Variants in ZMIZ1 observed in about 807,000 individuals in gnomAD.
ZMIZ1 encodes the protein zinc finger MIZ domain-containing protein 1.
In ZMIZ1, 17 loss-of-function variants were observed where a neutral mutation model predicts 113.9. The ratio of observed to expected loss-of-function variants is 0.15; its 90% CI spans 0.10 to 0.22. ZMIZ1 has a LOEUF of 0.22. Among genes scored for constraint, ZMIZ1 ranks in the 10% least tolerant of loss-of-function variants. The pLI, the probability that ZMIZ1 is intolerant of heterozygous loss-of-function variation, is 1.00. For synonymous variants in ZMIZ1, 607 were observed against 603.1 expected (o/e 1.01, Z -0.09); for missense variants, 1,059 against 1,477.8 (o/e 0.72, Z 4.65).
chr10:79,287,404 G>T (rs544335472), intron 8 of ZMIZ1, among the ~76,000 whole-genome samples: 21 of 152,360 alleles, frequency 1.4e-4, no homozygotes, highest in African/African-American at 5.1e-4. Flanking sequence ...CCAACTGAGT[G>T]CCCTGAGTAC....
At chr10:79,202,480 C>T (rs1435389679) in intron 5 of ZMIZ1, among the ~76,000 whole-genome samples, 1 of 151,938 alleles carries the variant, frequency 6.6e-6, no homozygotes, top group Non-Finnish European at 1.5e-5. Context: ...GACAAGAGGT[C>T]CTAGGAAATC....
At chr10:79,279,069 C>G (rs955990542) in intron 8 of ZMIZ1, among the ~76,000 whole-genome samples, 1 of 147,284 alleles carries the variant, frequency 6.8e-6, no homozygotes, top group African/African-American at 2.5e-5. Flanking sequence ...GGGGGCTGCC[C>G]CCCACCTCCA....
At chr10:79,156,716 G>A (rs370263786) in intron 3 of ZMIZ1, among the ~76,000 whole-genome samples, 42 of 152,192 alleles carry the variant, frequency 2.8e-4, no homozygotes, top group African/African-American at 2.4e-4. Flanking sequence ...AGCGTACCTC[G>A]GGACTCTTGG....
chr10:79,115,572 G>A (rs556964666), intron 1 of ZMIZ1, among the ~76,000 whole-genome samples: 1 of 152,352 alleles, frequency 6.6e-6, no homozygotes, highest in African/African-American at 2.4e-5. Context: ...GCCTGTCAGG[G>A]ATTCCATTCC....
intron 7 of ZMIZ1, among the ~76,000 whole-genome samples, chr10:79,253,828 C>T (rs539211318): frequency 6.6e-6 from 1 of 152,284 alleles, no homozygotes; most frequent in South Asian, 2.1e-4. Context: ...CCATCATGCC[C>T]TGTGTGGATG....
intron 1 of ZMIZ1, among the ~76,000 whole-genome samples, chr10:79,077,756 TTA>T (rs1842524426): frequency 6.6e-6 from 1 of 152,246 alleles, no homozygotes; most frequent in Non-Finnish European, 1.5e-5. Flanking sequence ...TAAAACAGGC[TTA>T]CTAGTGGTGT....
At chr10:79,208,506 G>T in intron 6 of ZMIZ1, 57 bp downstream of exon 6, 2 of 1,462,474 alleles carry the variant, frequency 1.4e-6, no homozygotes, top group South Asian at 1.2e-5. Context: ...CTGAGTGCTA[G>T]CGTGCCTGTC....
intron 7 of ZMIZ1, among the ~76,000 whole-genome samples, chr10:79,225,853 C>T (rs1043124016): frequency 4.6e-5 from 7 of 151,698 alleles, no homozygotes; most frequent in African/African-American, 1.2e-4. Context: ...GCCCAGCAGC[C>T]GTCTCATCCT....
At chr10:79,073,659 A>C (rs1302881034) in intron 1 of ZMIZ1, among the ~76,000 whole-genome samples, 5 of 151,142 alleles carry the variant, frequency 3.3e-5, no homozygotes, top group Admixed American at 3.3e-4. Context: ...GGACACATTC[A>C]AGTGGCTGCT....
At chr10:79,168,807 A>G (rs1846476401) in intron 4 of ZMIZ1, among the ~76,000 whole-genome samples, 1 of 151,870 alleles carries the variant, frequency 6.6e-6, no homozygotes, top group African/African-American at 2.4e-5. Context: ...CCTCAGTGTG[A>G]CCCCCACAGG....
intron 7 of ZMIZ1, among the ~76,000 whole-genome samples, chr10:79,259,904 G>C (rs536044374): frequency 6.6e-6 from 1 of 152,156 alleles, no homozygotes; most frequent in African/African-American, 2.4e-5. Context: ...AAGCCACCGC[G>C]CCCAGCCTTT....
chr10:79,155,066 G>GT (rs1378435673), intron 3 of ZMIZ1, among the ~76,000 whole-genome samples: 1 of 152,202 alleles, frequency 6.6e-6, no homozygotes, highest in Admixed American at 6.5e-5. Context: ...TCCTAGCCCA[G>GT]TATCACGCAG....
chr10:79,306,069 A>G (rs780477928), intron 21 of ZMIZ1, 31 bp from the exon 22 acceptor site: 2 of 1,601,424 alleles, frequency 1.2e-6, no homozygotes, highest in South Asian at 2.2e-5. Context: ...GGCACCCCGG[A>G]GCCTCAGCTC....
intron 4 of ZMIZ1, among the ~76,000 whole-genome samples, chr10:79,170,642 C>T (rs1342702545): frequency 6.6e-6 from 1 of 152,222 alleles, no homozygotes; most frequent in Non-Finnish European, 1.5e-5. Flanking sequence ...GGGGGCAGTC[C>T]TGCAGCTCCT....
At chr10:79,188,755 G>C (rs1406049311) in intron 4 of ZMIZ1, among the ~76,000 whole-genome samples, 1 of 151,996 alleles carries the variant, frequency 6.6e-6, no homozygotes, top group Non-Finnish European at 1.5e-5. Flanking sequence ...AGCAAGTCCT[G>C]GGGAAAACTA....
chr10:79,285,504 CTG>C (rs768393802), intron 8 of ZMIZ1: 5 of 456,120 alleles, frequency 1.1e-5, no homozygotes, highest in South Asian at 7.7e-5. Context: ...TCGCTTCCCT[CTG>C]TGTCCTTCTC....
chr10:79,315,224 C>T lies in ZMIZ1; in HGVS notation c.*2475C>T, dbSNP rs1855457982. 1.3e-5 allele frequency: 2 copies of T among 152,752 alleles called. No homozygotes were observed. The highest frequency in any genetic ancestry group is 2.4e-5 in the African/African-American group (1 of 41,438). The allele number at this position is 152,752 out of a possible 1,614,324, so 9.5% of individuals were successfully genotyped here. A position where few individuals can be genotyped will look rare whatever the true frequency, so the allele number is the denominator to read the frequency against. ...GCTGGCTCTGAACCGTGCGTGGTGCCTACAGCCTGCAGTCTGGAGACAAGC... is the reference window on the plus strand; with the variant it reads ...GCTGGCTCTGAACCGTGCGTGGTGCTTACAGCCTGCAGTCTGGAGACAAGC... On this transcript the variant is annotated 3_prime_UTR_variant, in exon 25 of 25. Transcript: ENST00000334512.
At chr10:79,105,546 T>TC in intron 1 of ZMIZ1, among the ~76,000 whole-genome samples, 1 of 152,152 alleles carries the variant, frequency 6.6e-6, no homozygotes, top group Non-Finnish European at 1.5e-5. Context: ...CCGCCCCTAG[T>TC]CCCCTTTAGC....
intron 1 of ZMIZ1, among the ~76,000 whole-genome samples, chr10:79,088,247 A>C (rs139082792): frequency 2.0e-4 from 31 of 152,356 alleles, no homozygotes; most frequent in African/African-American, 7.5e-4. Context: ...CTGTGCCTGC[A>C]TTGCCGCTGC....
Sources: allele counts gnomAD v4.1 joint callset (sites outside exome capture counted in the v4.1 genomes callset), GRCh38; gene constraint gnomAD v4.1.1; transcripts MANE v1.5; gene names NCBI Gene and HGNC (gene_info 2026-07-23, HGNC 2026-07-21).